The following CPA6 variants were observed in gnomAD, a reference collection of about 807,000 sequenced individuals.
CPA6 encodes the protein carboxypeptidase A6.
Under a neutral mutation model 63.3 loss-of-function variants are expected in CPA6, and 58 were observed. That is an observed-to-expected ratio of 0.92 (90% confidence interval 0.74 to 1.14). The LOEUF is 1.14. Ranked by LOEUF, CPA6 falls within the 50% of genes most tolerant of loss-of-function variation. CPA6 has a pLI of 0.00. For missense variants in CPA6, 565 were observed against 526.6 expected (o/e 1.07, Z -0.71); for synonymous variants, 185 against 179.0 (o/e 1.03, Z -0.27).
At chr8:67,522,309 C>G (rs984360843) in intron 2 of CPA6, among the ~76,000 whole-genome samples, 31 of 152,162 alleles carry the variant, frequency 2.0e-4, no homozygotes, top group Admixed American at 1.1e-3. Flanking sequence ...TTCAGGTCCC[C>G]TCTGGTGTTT....
chr8:67,548,198 C>T (rs1389254624), intron 2 of CPA6, among the ~76,000 whole-genome samples: 5 of 132,430 alleles, frequency 3.8e-5, no homozygotes, highest in African/African-American at 8.3e-5. Flanking sequence ...CCTTCCTTCC[C>T]CCTCCCCTCC....
rs377007379 is a variant in CPA6, at chr8:67,509,654, C to T, written c.433-36G>A. 5.2e-5 allele frequency: 55 copies of T among 1,056,558 alleles called. No individual in the cohort carries two copies. In the African/African-American group the frequency reaches 7.7e-4, roughly 15 times the overall value. 65.4% of individuals were successfully genotyped at this position (1,056,558 alleles called of 1,614,324 possible). ...ATAAATAAAAACTATGTTAGACTCT[C>T]TCAAAATAATGGAGCTTTTAGAGAA... is the stretch of plus-strand genomic sequence containing the variant. On this transcript the variant is annotated intron_variant, in intron 4 of 10. Coordinates refer to ENST00000297770, the MANE Select transcript of CPA6 (RefSeq NM_020361.5).
intron 1 of CPA6, among the ~76,000 whole-genome samples, chr8:67,744,000 C>T (rs1241762960): frequency 6.6e-6 from 1 of 152,216 alleles, no homozygotes. Context: ...AAATACTCTT[C>T]TACCATGTCT....
intron 1 of CPA6, among the ~76,000 whole-genome samples, chr8:67,657,928 C>T (rs994617198): frequency 2.0e-5 from 3 of 152,134 alleles, no homozygotes; most frequent in Non-Finnish European, 4.4e-5. Flanking sequence ...TTCCTGAGTT[C>T]CCGCCTCCTG....
At chr8:67,713,205 T>C (rs536153584) in intron 1 of CPA6, among the ~76,000 whole-genome samples, 1 of 143,702 alleles carries the variant, frequency 7.0e-6, no homozygotes, top group Non-Finnish European at 1.5e-5. Flanking sequence ...ATATCCCCCG[T>C]GAACAAGGGA....
chr8:67,668,607 A>G (rs1351180018), intron 1 of CPA6, among the ~76,000 whole-genome samples: 1 of 152,226 alleles, frequency 6.6e-6, no homozygotes, highest in Non-Finnish European at 1.5e-5. Context: ...TCCGGTAGGA[A>G]CAAAGGATAC....
At chr8:67,640,818 G>A (rs796979837) in intron 1 of CPA6, among the ~76,000 whole-genome samples, 12 of 151,722 alleles carry the variant, frequency 7.9e-5, no homozygotes, top group African/African-American at 2.7e-4. Flanking sequence ...CCCAGCAGCA[G>A]CAGTGGCAGC....
intron 1 of CPA6, among the ~76,000 whole-genome samples, chr8:67,679,234 C>T (rs971881053): frequency 1.3e-5 from 2 of 152,140 alleles, no homozygotes; most frequent in Non-Finnish European, 2.9e-5. Flanking sequence ...ACAAAAGCCC[C>T]GAACATTCTG....
intron 1 of CPA6, among the ~76,000 whole-genome samples, chr8:67,687,434 A>G (rs1485934927): frequency 6.6e-6 from 1 of 152,212 alleles, no homozygotes; most frequent in African/African-American, 2.4e-5. Context: ...GGATTGGGGA[A>G]GGGCTATTAA....
chr8:67,468,737 C>T (rs1810987677), intron 8 of CPA6, among the ~76,000 whole-genome samples: 1 of 152,098 alleles, frequency 6.6e-6, no homozygotes, highest in Non-Finnish European at 1.5e-5. Context: ...AATAACATGG[C>T]TTCTAGAATA....
chr8:67,651,430 C>G (rs984925367), intron 1 of CPA6, among the ~76,000 whole-genome samples: 2 of 152,144 alleles, frequency 1.3e-5, no homozygotes, highest in African/African-American at 4.8e-5. Flanking sequence ...CTGCCTCACA[C>G]CACACGCCAT....
At chr8:67,540,362 A>C (rs1318075205) in intron 2 of CPA6, among the ~76,000 whole-genome samples, 1 of 151,264 alleles carries the variant, frequency 6.6e-6, no homozygotes, top group Non-Finnish European at 1.5e-5. Flanking sequence ...ATTGCTACCT[A>C]CTCCTTCCTC....
chr8:67,656,971 T>A (rs1167073819), intron 1 of CPA6, among the ~76,000 whole-genome samples: 2 of 152,162 alleles, frequency 1.3e-5, no homozygotes, highest in Non-Finnish European at 2.9e-5. Flanking sequence ...TTCTCCAAAC[T>A]GTAAAATCAA....
chr8:67,480,440 A>T (rs1811333520), intron 8 of CPA6, among the ~76,000 whole-genome samples: 1 of 152,060 alleles, frequency 6.6e-6, no homozygotes, highest in Non-Finnish European at 1.5e-5. Flanking sequence ...CTCTTTTGTG[A>T]CTGACTTTTT....
intron 2 of CPA6, among the ~76,000 whole-genome samples, chr8:67,565,505 T>C (rs1813316581): frequency 6.6e-6 from 1 of 152,134 alleles, no homozygotes; most frequent in South Asian, 2.1e-4. Flanking sequence ...GGAAGCACCT[T>C]GCACTGTCTG....
At chr8:67,670,624 G>C (rs1816322685) in intron 1 of CPA6, among the ~76,000 whole-genome samples, 4 of 152,074 alleles carry the variant, frequency 2.6e-5, no homozygotes, top group Admixed American at 2.6e-4. Context: ...AGCTCAATAG[G>C]GATAGTCCGA....
At chr8:67,679,305 G>C (rs1239542340) in intron 1 of CPA6, among the ~76,000 whole-genome samples, 4 of 152,086 alleles carry the variant, frequency 2.6e-5, no homozygotes, top group African/African-American at 9.7e-5. Flanking sequence ...AACAGTCCTT[G>C]GTGTTACCCG....
rs7823409 is a variant in CPA6, at chr8:67,637,347, G to A, written c.117-13096C>T. ...GCTTTGAGAATTTCTTCTCCCATTA[G>A]CATAAATCAGAGAGGAGAAAAAGCA... On this transcript the variant is annotated intron_variant, in intron 1 of 10. Coordinates refer to ENST00000297770, the MANE Select transcript of CPA6 (RefSeq NM_020361.5). 3.3e-4 allele frequency among the ~76,000 whole-genome samples: 50 copies of A among 151,580 alleles called. 4 individuals are homozygous for A. Among genetic ancestry groups the A allele is most frequent in the African/African-American group, 1.2e-3 (50 of 40,946 alleles).
rs141208259 is a variant in CPA6, at chr8:67,638,358, C to T, written c.117-14107G>A. Among the ~76,000 whole-genome samples, 42 of 151,422 alleles carry T rather than the reference C, an allele frequency of 2.8e-4. 4 individuals carry two copies. The highest frequency in any genetic ancestry group is 9.8e-4 in the African/African-American group (40 of 40,796). Reference sequence around the variant, plus strand: ...GTGAGAATTTAAAACCATGGCTAGCCCTCCAGCAGGATTAGGAATGAAATT... The same window carrying T: ...GTGAGAATTTAAAACCATGGCTAGCTCTCCAGCAGGATTAGGAATGAAATT... On this transcript the variant is annotated intron_variant, in intron 1 of 10. Coordinates refer to ENST00000297770, the MANE Select transcript of CPA6 (RefSeq NM_020361.5).
Sources: allele counts gnomAD v4.1 joint callset (sites outside exome capture counted in the v4.1 genomes callset), GRCh38; gene constraint gnomAD v4.1.1; transcripts MANE v1.5; gene names NCBI Gene and HGNC (gene_info 2026-07-23, HGNC 2026-07-21).